CSMD1: variants seen among roughly 807,000 people sequenced by gnomAD.
CSMD1 encodes CUB and sushi domain-containing protein 1.
CSMD1 carries 213 observed loss-of-function variants against 417.5 expected under a neutral mutation model. The ratio of observed to expected loss-of-function variants is 0.51; its 90% CI spans 0.46 to 0.57. The LOEUF is 0.57. Among genes scored for constraint, CSMD1 ranks in the 20% least tolerant of loss-of-function variants. CSMD1 has a pLI of 0.00. For missense variants in CSMD1, 6,923 were observed against 4,529.7 expected (o/e 1.53, Z -15.17); for synonymous variants, 2,862 against 1,736.8 (o/e 1.65, Z -16.11).
chr8:3,984,051 G>T (rs994175329), intron 5 of CSMD1, among the ~76,000 whole-genome samples: 1 of 147,718 alleles, frequency 6.8e-6, no homozygotes, highest in South Asian at 2.1e-4. Context: ...GATCTGATGG[G>T]GCTGTCAATT....
In CSMD1 at chr8:4,512,891, G is replaced by A. The variant is rs1802902565; in HGVS notation, c.303-92826C>T. ...TTTAAATACCTATTACCAAGTGAAAGAAGTTAATTTGAAAAAGCTACAGAG... is the reference window on the plus strand; with the variant it reads ...TTTAAATACCTATTACCAAGTGAAAAAAGTTAATTTGAAAAAGCTACAGAG... On this transcript the variant is annotated intron_variant, in intron 2 of 69. Transcript: ENST00000635120. Among the ~76,000 whole-genome samples, 4 of 151,442 alleles carry A rather than the reference G, an allele frequency of 2.6e-5. No individual in the cohort carries two copies. The South Asian group carries it at 8.3e-4, about 31-fold the overall frequency.
At chr8:3,151,786 T>C (rs1366955764) in intron 39 of CSMD1, among the ~76,000 whole-genome samples, 1 of 152,230 alleles carries the variant, frequency 6.6e-6, no homozygotes, top group Non-Finnish European at 1.5e-5. Context: ...TGAGTCCATG[T>C]AATGTTTGCG....
intron 3 of CSMD1, among the ~76,000 whole-genome samples, chr8:4,104,923 C>T (rs1801491813): frequency 2.0e-5 from 3 of 152,072 alleles, no homozygotes; most frequent in African/African-American, 7.2e-5. Context: ...GTGAGAATTA[C>T]ACAACAGTAG....
chr8:4,690,172 G>C (rs1351671816), intron 1 of CSMD1, among the ~76,000 whole-genome samples: 2 of 152,128 alleles, frequency 1.3e-5, no homozygotes, highest in African/African-American at 2.4e-5. Context: ...TACCCTCACA[G>C]TGTTATTTAC....
chr8:4,887,789 T>C lies in CSMD1; in HGVS notation c.85+106543A>G, dbSNP rs111416061. Among the ~76,000 whole-genome samples, 1,043 of 152,214 alleles carry C rather than the reference T, an allele frequency of 6.9e-3. 16 individuals are homozygous for C. The highest frequency in any genetic ancestry group is 0.024 in the African/African-American group (1,007 of 41,506). ...TATCATTTTTTTTAAATGTCTCACT[T>C]CGTTTCTAGTGACACTTTTTGTTTT... On this transcript the variant is annotated intron_variant, in intron 1 of 69. Coordinates refer to ENST00000635120, the MANE Select transcript of CSMD1 (RefSeq NM_033225.6).
chr8:3,214,408 C>A, intron 30 of CSMD1, 89 bp downstream of exon 30: 3 of 1,092,176 alleles, frequency 2.7e-6, no homozygotes, highest in Non-Finnish European at 3.9e-6. Flanking sequence ...GAGAGGAATA[C>A]GTGTTGAAAT....
intron 5 of CSMD1, among the ~76,000 whole-genome samples, chr8:3,874,760 T>C (rs1805702251): frequency 6.6e-6 from 1 of 152,236 alleles, no homozygotes; most frequent in East Asian, 1.9e-4. Flanking sequence ...ACCATGTCTG[T>C]GACGGGGAAG....
intron 4 of CSMD1, among the ~76,000 whole-genome samples, chr8:4,013,390 G>T (rs539449242): frequency 2.0e-5 from 3 of 152,020 alleles, no homozygotes; most frequent in Non-Finnish European, 4.4e-5. Flanking sequence ...TGATATTCTC[G>T]CAGGGCTCAC....
chr8:3,619,378 T>A (rs1374937065), intron 7 of CSMD1, among the ~76,000 whole-genome samples: 1 of 108,682 alleles, frequency 9.2e-6, no homozygotes, highest in Non-Finnish European at 2.1e-5. Context: ...TTTCAAATGC[T>A]TATTTTTTTT....
intron 3 of CSMD1, among the ~76,000 whole-genome samples, chr8:4,396,917 C>T (rs1804267615): frequency 6.6e-6 from 1 of 152,018 alleles, no homozygotes; most frequent in African/African-American, 2.4e-5. Context: ...AAAGACTACA[C>T]CTTGGGTACA....
intron 2 of CSMD1, among the ~76,000 whole-genome samples, chr8:4,467,724 G>GC (rs1239705830): frequency 6.6e-6 from 1 of 152,058 alleles, no homozygotes; most frequent in Non-Finnish European, 1.5e-5. Context: ...AAAATCTCAA[G>GC]CCCAATGGTA....
intron 5 of CSMD1, among the ~76,000 whole-genome samples, chr8:3,843,244 C>T (rs1417261163): frequency 6.6e-6 from 1 of 152,168 alleles, no homozygotes; most frequent in Non-Finnish European, 1.5e-5. Flanking sequence ...AAATCATCTG[C>T]TGATAAACTA....
At chr8:3,507,594 T>C (rs1049728843) in intron 10 of CSMD1, among the ~76,000 whole-genome samples, 1 of 152,184 alleles carries the variant, frequency 6.6e-6, no homozygotes, top group Non-Finnish European at 1.5e-5. Context: ...ACTTCCACAA[T>C]GGTTGAACTA....
chr8:3,872,210 C>A (rs1029520661), intron 5 of CSMD1, among the ~76,000 whole-genome samples: 2 of 152,092 alleles, frequency 1.3e-5, no homozygotes, highest in Non-Finnish European at 1.5e-5. Flanking sequence ...AGATCGTATA[C>A]TTCATTCTGG....
intron 6 of CSMD1, among the ~76,000 whole-genome samples, chr8:3,728,855 G>C (rs931551243): frequency 2.0e-5 from 3 of 152,192 alleles, no homozygotes; most frequent in African/African-American, 7.2e-5. Flanking sequence ...TACTGAAGCA[G>C]ATTCATGGAC....
intron 10 of CSMD1, among the ~76,000 whole-genome samples, chr8:3,542,983 G>A (rs1333081168): frequency 2.0e-5 from 3 of 152,118 alleles, no homozygotes; most frequent in Admixed American, 6.5e-5. Context: ...CTTCCTCCCT[G>A]CTGCCCATCT....
intron 5 of CSMD1, among the ~76,000 whole-genome samples, chr8:3,888,345 T>C (rs1806705349): frequency 6.6e-6 from 1 of 152,190 alleles, no homozygotes; most frequent in African/African-American, 2.4e-5. Context: ...CAAAGGATGG[T>C]GATTACTCAG....
chr8:4,378,383 C>T (rs1235069233), intron 3 of CSMD1, among the ~76,000 whole-genome samples: 1 of 152,184 alleles, frequency 6.6e-6, no homozygotes, highest in African/African-American at 2.4e-5. Flanking sequence ...TTAGCTCACT[C>T]GTTTGCACGC....
chr8:4,321,254 C>T lies in CSMD1; in HGVS notation c.415+98699G>A, dbSNP rs540636692. ...CGTGCCTACAGCTAGTCCCTGTGGCCCACTGATCATCCTCGGTGTGTTGGT... is the reference window on the plus strand; with the variant it reads ...CGTGCCTACAGCTAGTCCCTGTGGCTCACTGATCATCCTCGGTGTGTTGGT... On this transcript the variant is annotated intron_variant, in intron 3 of 69. Coordinates refer to ENST00000635120, the MANE Select transcript of CSMD1 (RefSeq NM_033225.6). 2.6e-5 allele frequency among the ~76,000 whole-genome samples: 4 copies of T among 152,156 alleles called. 1 individual carries two copies. The highest frequency in any genetic ancestry group is 1.9e-4 in the East Asian group (1 of 5,164).
Sources: gnomAD v4.1 joint callset for allele counts (sites outside exome capture counted in the v4.1 genomes callset) on GRCh38, gnomAD v4.1.1 for gene constraint, MANE v1.5 for transcripts, NCBI Gene and HGNC (gene_info 2026-07-23, HGNC 2026-07-21) for gene names.